FRMD4A: variants seen among roughly 807,000 people sequenced by gnomAD.
FRMD4A encodes FERM domain-containing protein 4A.
A neutral mutation model predicts 129.1 loss-of-function variants in FRMD4A; 29 were observed. That is an observed-to-expected ratio of 0.22 (90% CI 0.17 to 0.31). The LOEUF is 0.31. Among genes scored for constraint, FRMD4A ranks in the 10% least tolerant of loss-of-function variants. The pLI is 1.00. For synonymous variants in FRMD4A, 634 were observed against 571.6 expected (o/e 1.11, Z -1.56); for missense variants, 1,272 against 1,375.8 (o/e 0.92, Z 1.19).
chr10:14,048,494 C>G (rs1033287309), intron 2 of FRMD4A, among the ~76,000 whole-genome samples: 3 of 152,068 alleles, frequency 2.0e-5, no homozygotes, highest in Non-Finnish European at 4.4e-5. Flanking sequence ...CTAAGACATG[C>G]CTTAAGTTTG....
intron 2 of FRMD4A, chr10:14,326,203 T>A (rs1843269589): frequency 6.6e-6 from 1 of 152,194 alleles, no homozygotes; most frequent in African/African-American, 2.4e-5. Context: ...ATTTTACACT[T>A]CAATATGGAA....
intron 2 of FRMD4A, among the ~76,000 whole-genome samples, chr10:14,175,721 T>C (rs1342980748): frequency 2.0e-5 from 3 of 151,984 alleles, no homozygotes; most frequent in Non-Finnish European, 2.9e-5. Context: ...GACAGGGTCT[T>C]GCTATGTTTC....
intron 2 of FRMD4A, among the ~76,000 whole-genome samples, chr10:14,308,310 A>C (rs567408631): frequency 3.9e-4 from 59 of 152,362 alleles, no homozygotes; most frequent in African/African-American, 1.3e-3. Flanking sequence ...AAGGGGAAGA[A>C]ATGTGCCAAA....
chr10:14,149,795 C>T (rs1023052252), intron 2 of FRMD4A, among the ~76,000 whole-genome samples: 34 of 152,198 alleles, frequency 2.2e-4, no homozygotes, highest in African/African-American at 7.5e-4. Context: ...AGTGAGTGTG[C>T]TTCATGTCCC....
intron 2 of FRMD4A, among the ~76,000 whole-genome samples, chr10:13,963,911 C>G (rs2095464743): frequency 6.6e-6 from 1 of 152,144 alleles, no homozygotes; most frequent in South Asian, 2.1e-4. Context: ...CCTCAAATTC[C>G]TAACACATGG....
At chr10:13,804,552 T>TTTCTTTCTTTCTTTCTTTCTTTCTTTC (rs1564831503) in intron 4 of FRMD4A, among the ~76,000 whole-genome samples, 1 of 151,542 alleles carries the variant, frequency 6.6e-6, no homozygotes, top group Admixed American at 6.6e-5. Flanking sequence ...TCTTTATTTC[T>TTTCTTTCTTTCTTTCTTTCTTTCTTTC]TTTTTTTGTT....
chr10:14,082,698 G>T (rs1302170378), intron 2 of FRMD4A, among the ~76,000 whole-genome samples: 1 of 152,150 alleles, frequency 6.6e-6, no homozygotes, highest in African/African-American at 2.4e-5. Context: ...AATGTAAAGA[G>T]AATGGCTTTG....
At position 14,192,465 on chromosome 10, in the gene FRMD4A, C is replaced by T. The variant is rs1396223431; in HGVS notation, c.45+137593G>A. Among the ~76,000 whole-genome samples the T allele has an allele frequency of 3.3e-5, 5 of 152,190 alleles. No homozygotes were observed. The South Asian group carries it at 1.0e-3, about 32-fold the overall frequency. On this transcript the variant is annotated intron_variant, in intron 2 of 24. Coordinates refer to ENST00000357447, the MANE Select transcript of FRMD4A (RefSeq NM_018027.5). The stretch of plus-strand genomic sequence containing the variant: ...ATAACAAAACTCTGCTAAAAGAAAC[C>T]TGTTACAGTGGTGCACTGTTGTGAG...
At position 13,714,516 on chromosome 10, in the gene FRMD4A, C is replaced by A. The variant is rs182818513; in HGVS notation, c.760-7403G>T. 2.0e-5 allele frequency among the ~76,000 whole-genome samples: 3 copies of A among 152,068 alleles called. No homozygotes were observed. In the East Asian group the frequency reaches 5.8e-4, roughly 29 times the overall value. On this transcript the variant is annotated intron_variant, in intron 12 of 24. Transcript: ENST00000357447. ...GCAGCATTGAATTCCCATTCCCTTT[C>A]CAACCATTCATGTAGTAGTCTTCTA... is the stretch of plus-strand genomic sequence containing the variant.
At chr10:13,704,701 C>G (rs925902529) in intron 13 of FRMD4A, among the ~76,000 whole-genome samples, 1 of 152,150 alleles carries the variant, frequency 6.6e-6, no homozygotes, top group African/African-American at 2.4e-5. Context: ...AGGTTCAAAT[C>G]CTGCCTCTCC....
intron 2 of FRMD4A, among the ~76,000 whole-genome samples, chr10:14,185,592 G>A (rs868673531): frequency 1.5e-4 from 22 of 149,544 alleles, no homozygotes; most frequent in East Asian, 3.9e-4. Context: ...GTAAGAAAGA[G>A]AAACAGGTAG....
At position 13,660,330 on chromosome 10, in the gene FRMD4A, A is replaced by C. The variant is rs2082539248; in HGVS notation, c.1884T>G (p.Ser628=). ...EPYEKVKKRS[S]HSHSSSHKRF... Reference sequence around the variant, plus strand: ...ATGCAGCTCACCTGGAATGGCTGTGAGAGGAGCGCTTCTTGACCTTCTCAT... The same window carrying C: ...ATGCAGCTCACCTGGAATGGCTGTGCGAGGAGCGCTTCTTGACCTTCTCAT... The change falls in exon 20 of 25, where the codon TCT becomes TCG. Residue 628 remains serine (S), a synonymous_variant. Transcript: ENST00000357447. 2 of 1,611,266 alleles carry C rather than the reference A, an allele frequency of 1.2e-6. No homozygotes were observed. The highest frequency in any genetic ancestry group is 2.7e-5 in the African/African-American group (2 of 75,000).
intron 2 of FRMD4A, among the ~76,000 whole-genome samples, chr10:14,176,222 G>A (rs897583305): frequency 6.6e-6 from 1 of 152,126 alleles, no homozygotes; most frequent in East Asian, 1.9e-4. Flanking sequence ...TTCATAGCAG[G>A]TTTGATACAA....
intron 12 of FRMD4A, among the ~76,000 whole-genome samples, chr10:13,716,817 A>C (rs1285467035): frequency 6.6e-6 from 1 of 152,036 alleles, no homozygotes. Flanking sequence ...TTTCCTTGTA[A>C]TTTTCTCCCT....
At chr10:13,892,188 G>A (rs1016260468) in intron 2 of FRMD4A, among the ~76,000 whole-genome samples, 1 of 152,034 alleles carries the variant, frequency 6.6e-6, no homozygotes, top group Non-Finnish European at 1.5e-5. Context: ...CCAAGCGGGG[G>A]ACCCCTGGCT....
chr10:13,938,893 A>G (rs899311760), intron 2 of FRMD4A, among the ~76,000 whole-genome samples: 1 of 152,078 alleles, frequency 6.6e-6, no homozygotes, highest in Non-Finnish European at 1.5e-5. Flanking sequence ...AATAGTACCA[A>G]GTACCAATAG....
At position 13,748,250 on chromosome 10, in the gene FRMD4A, T is replaced by G. The variant is rs2091395815; in HGVS notation, c.465-431A>C. Among the ~76,000 whole-genome samples, 5 of 152,196 alleles carry G rather than the reference T, an allele frequency of 3.3e-5. No individual in the cohort carries two copies. In the South Asian group the frequency reaches 1.0e-3, roughly 31 times the overall value. On this transcript the variant is annotated intron_variant, in intron 8 of 24. Transcript: ENST00000357447. ...CTCCGAGAATGGGCAATGGCGCCACTGTCTCCCTAAGAGCATTTGCGCTGC... is the reference window on the plus strand; with the variant it reads ...CTCCGAGAATGGGCAATGGCGCCACGGTCTCCCTAAGAGCATTTGCGCTGC...
chr10:13,712,548 C>T lies in FRMD4A; in HGVS notation c.760-5435G>A, dbSNP rs2088132480. On this transcript the variant is annotated intron_variant, in intron 12 of 24. Coordinates refer to ENST00000357447, the MANE Select transcript of FRMD4A (RefSeq NM_018027.5). ...AAAAGAGCAACAACAAAAAAAACAGCCTGGATGATCTGGACTTGCGTGAAA... is the reference window on the plus strand; with the variant it reads ...AAAAGAGCAACAACAAAAAAAACAGTCTGGATGATCTGGACTTGCGTGAAA... Among the ~76,000 whole-genome samples, 4 of 152,072 alleles carry T rather than the reference C, an allele frequency of 2.6e-5. No individual in the cohort carries two copies. The South Asian group carries it at 8.3e-4, about 32-fold the overall frequency.
chr10:14,110,199 C>A, intron 2 of FRMD4A, among the ~76,000 whole-genome samples: 1 of 126,232 alleles, frequency 7.9e-6, no homozygotes, highest in African/African-American at 3.0e-5. Context: ...GAAAATACTA[C>A]AGATGTGGTT....
Sources: allele counts gnomAD v4.1 joint callset (sites outside exome capture counted in the v4.1 genomes callset), GRCh38; gene constraint gnomAD v4.1.1; transcripts MANE v1.5; gene names NCBI Gene and HGNC (gene_info 2026-07-23, HGNC 2026-07-21).